The following CDC42BPA variants were observed in gnomAD, a reference collection of about 807,000 sequenced individuals.
CDC42BPA encodes serine/threonine-protein kinase MRCK alpha.
Under a neutral mutation model 223.5 loss-of-function variants are expected in CDC42BPA, and 80 were observed. The observed-to-expected ratio is 0.36, with a 90% CI of 0.30 to 0.43. The LOEUF (loss-of-function observed/expected upper bound fraction) is 0.43, where lower values mean the gene tolerates loss of function less well. Ranked by LOEUF, CDC42BPA falls within the 20% of genes least tolerant of loss-of-function variation. CDC42BPA has a pLI of 1.00. For synonymous variants in CDC42BPA, 694 were observed against 718.6 expected, an observed-to-expected ratio of 0.97 and a Z score of 0.55; for missense variants, 1,743 against 2,099.9, an observed-to-expected ratio of 0.83 and a Z score of 3.32.
intron 6 of CDC42BPA, among the ~76,000 whole-genome samples, chr1:227,159,171 A>G (rs541002814): frequency 3.3e-5 from 5 of 152,254 alleles, no homozygotes; most frequent in Admixed American, 3.3e-4. Flanking sequence ...TCTTTTTAAC[A>G]AAGTTATCAC....
At chr1:227,083,322 C>T (rs1408680597) in intron 16 of CDC42BPA, among the ~76,000 whole-genome samples, 1 of 151,886 alleles carries the variant, frequency 6.6e-6, no homozygotes, top group Non-Finnish European at 1.5e-5. Context: ...TGTTTCTCTC[C>T]AATCTGTTTT....
chr1:227,033,782 ATTG>A (rs1669749234), intron 26 of CDC42BPA, among the ~76,000 whole-genome samples: 1 of 152,118 alleles, frequency 6.6e-6, no homozygotes. Context: ...GTTATATTTT[ATTG>A]TTCCTTCAAC....
chr1:227,257,043 G>A (rs2148320762), intron 1 of CDC42BPA, among the ~76,000 whole-genome samples: 1 of 151,452 alleles, frequency 6.6e-6, no homozygotes, highest in East Asian at 1.9e-4. Flanking sequence ...GTGCTATAAT[G>A]TGGATAAATC....
chr1:227,149,975 C>A (rs1484774745), intron 6 of CDC42BPA, among the ~76,000 whole-genome samples: 1 of 152,052 alleles, frequency 6.6e-6, no homozygotes, highest in African/African-American at 2.4e-5. Context: ...AGTAATCCCA[C>A]CACTTTGGGA....
intron 5 of CDC42BPA, among the ~76,000 whole-genome samples, chr1:227,181,369 C>T (rs1667906067): frequency 6.6e-6 from 1 of 152,136 alleles, no homozygotes; most frequent in Non-Finnish European, 1.5e-5. Flanking sequence ...ACATCTTTAA[C>T]ATTAAAATAA....
At chr1:227,050,158 T>C (rs1250158590) in intron 22 of CDC42BPA, among the ~76,000 whole-genome samples, 1 of 151,898 alleles carries the variant, frequency 6.6e-6, no homozygotes, top group Non-Finnish European at 1.5e-5. Flanking sequence ...CAAAAAGCTA[T>C]AAGAAAAATG....
At chr1:227,184,203 G>T (rs1668391864) in intron 5 of CDC42BPA, among the ~76,000 whole-genome samples, 1 of 151,860 alleles carries the variant, frequency 6.6e-6, no homozygotes, top group African/African-American at 2.4e-5. Flanking sequence ...TTTTAATGAA[G>T]TCCCATTTAT....
At chr1:227,011,899 G>A (rs947930300) in intron 34 of CDC42BPA, among the ~76,000 whole-genome samples, 1 of 152,170 alleles carries the variant, frequency 6.6e-6, no homozygotes, top group African/African-American at 2.4e-5. Flanking sequence ...CTTCATTAGA[G>A]GCAGAGGGTG....
intron 3 of CDC42BPA, among the ~76,000 whole-genome samples, chr1:227,208,160 T>A (rs1306734712): frequency 6.8e-6 from 1 of 148,124 alleles, no homozygotes; most frequent in East Asian, 2.0e-4. Flanking sequence ...TGCATAAATG[T>A]CTTCTTTTGA....
chr1:227,028,840 G>A lies in CDC42BPA; in HGVS notation c.4249C>T (p.Leu1417Phe), dbSNP rs761109166. 6.2e-7 allele frequency: 1 copy of A among 1,613,982 alleles called. No individual in the cohort carries two copies. The highest frequency in any genetic ancestry group is 1.1e-5 in the South Asian group (1 of 91,048). The change falls in exon 30 of 37, where the codon CTC (leucine) becomes TTC (phenylalanine). Residue 1417 changes from leucine (L) to phenylalanine (F), a missense_variant. Coordinates refer to ENST00000366766, the MANE Select transcript of CDC42BPA (RefSeq NM_001394014.1). Reference sequence around the variant, plus strand: ...GATAGTGTATGGTCATTTGAATGGAGCATACTGTATGGATTTCCTTCTCCA... The same window carrying A: ...GATAGTGTATGGTCATTTGAATGGAACATACTGTATGGATTTCCTTCTCCA... ...LNGEGNPYSM[L>F]HSNDHTLSFI...
chr1:227,221,587 C>T (rs1454141229), intron 2 of CDC42BPA, among the ~76,000 whole-genome samples: 8 of 97,586 alleles, frequency 8.2e-5, no homozygotes, highest in African/African-American at 3.1e-4. Context: ...ATTATTTCAA[C>T]AGAAAAATAA....
chr1:227,212,839 T>C (rs949201504), intron 3 of CDC42BPA, among the ~76,000 whole-genome samples: 3 of 152,148 alleles, frequency 2.0e-5, no homozygotes, highest in Non-Finnish European at 4.4e-5. Flanking sequence ...AAATCAACCA[T>C]TACAAAATGT....
rs541036736 is a variant in CDC42BPA, at chr1:227,127,531, G to A, written c.1513+1578C>T. Among the ~76,000 whole-genome samples, 22 of 152,278 alleles carry A rather than the reference G, an allele frequency of 1.4e-4. No homozygotes were observed. The South Asian group carries it at 4.6e-3, about 32-fold the overall frequency. ...AAATCGATATCGCTTCTCTGAAGACGAATCACTGACCATTCTAGCTGGTCT... is the reference window on the plus strand; with the variant it reads ...AAATCGATATCGCTTCTCTGAAGACAAATCACTGACCATTCTAGCTGGTCT... On this transcript the variant is annotated intron_variant, in intron 11 of 36. Coordinates refer to ENST00000366766, the MANE Select transcript of CDC42BPA (RefSeq NM_001394014.1).
chr1:227,293,365 G>C (rs1456302461), intron 1 of CDC42BPA, among the ~76,000 whole-genome samples: 1 of 151,990 alleles, frequency 6.6e-6, no homozygotes, highest in African/African-American at 2.4e-5. Flanking sequence ...ACCACAAAAA[G>C]AGAATTAAAC....
At chr1:227,308,509 CAA>C (rs34849679) in intron 1 of CDC42BPA, among the ~76,000 whole-genome samples, 380 of 89,720 alleles carry the variant, frequency 4.2e-3, no homozygotes, top group Non-Finnish European at 6.5e-3. Flanking sequence ...GACTGTATCT[CAA>C]AAAAAAAAAA....
intron 1 of CDC42BPA, among the ~76,000 whole-genome samples, chr1:227,254,402 CATATAAAAG>C (rs1345973864): frequency 6.6e-6 from 1 of 151,962 alleles, no homozygotes; most frequent in African/African-American, 2.4e-5. Flanking sequence ...CTCCAAATAA[CATATAAAAG>C]AATGCAAAGC....
intron 1 of CDC42BPA, among the ~76,000 whole-genome samples, chr1:227,316,247 C>A (rs1694369696): frequency 6.6e-6 from 1 of 152,178 alleles, no homozygotes; most frequent in South Asian, 2.1e-4. Flanking sequence ...GCCAAGCCTT[C>A]AAGCTTGAAG....
intron 2 of CDC42BPA, among the ~76,000 whole-genome samples, chr1:227,253,273 C>T (rs538694407): frequency 5.6e-5 from 6 of 106,326 alleles, no homozygotes; most frequent in African/African-American, 1.6e-4. Flanking sequence ...AGAGAGCGCG[C>T]GCGCGTGCGC....
chr1:227,030,082 G>A (rs142003548), intron 29 of CDC42BPA, among the ~76,000 whole-genome samples: 1 of 150,636 alleles, frequency 6.6e-6, no homozygotes, highest in Non-Finnish European at 1.5e-5. Flanking sequence ...GCAATGAGCC[G>A]AGTTCGTGCC....
Sources: gnomAD v4.1 joint callset for allele counts (sites outside exome capture counted in the v4.1 genomes callset) on GRCh38, gnomAD v4.1.1 for gene constraint, MANE v1.5 for transcripts, NCBI Gene and HGNC (gene_info 2026-07-23, HGNC 2026-07-21) for gene names.